CCDC47: variants seen among roughly 807,000 people sequenced by gnomAD.
CCDC47 encodes PAT complex subunit CCDC47.
CCDC47 carries 41 observed loss-of-function variants against 60.5 expected under a neutral mutation model. That is an observed-to-expected ratio of 0.68 (90% CI 0.53 to 0.88). The LOEUF (loss-of-function observed/expected upper bound fraction) is 0.88, where lower values mean the gene tolerates loss of function less well. Among genes scored for constraint, CCDC47 ranks in the 40% least tolerant of loss-of-function variants. The pLI is 0.00. For missense variants in CCDC47, 513 were observed against 580.9 expected (o/e 0.88, Z 1.20); for synonymous variants, 195 against 190.7 (o/e 1.02, Z -0.18).
At chr17:63,753,310 T>C in intron 9 of CCDC47, 2 of 593,532 alleles carry the variant, frequency 3.4e-6, no homozygotes, top group Non-Finnish European at 4.2e-6. Flanking sequence ...TATGAATCCT[T>C]TGACTATCAA....
At position 63,766,085 on chromosome 17, in the gene CCDC47, T is replaced by C. The variant is rs754342339; in HGVS notation, c.91A>G (p.Ile31Val). The part of the protein sequence containing the change: ...KFDDFEDEED[I>V]VEYDDNDFAE... ...AAGTCATTATCATCATACTCTACTATGTCCTCCTCATCCTCAAAATCATCA... is the reference window on the plus strand; with the variant it reads ...AAGTCATTATCATCATACTCTACTACGTCCTCCTCATCCTCAAAATCATCA... Residue 31 changes from isoleucine to valine, a missense_variant, in exon 2 of 13, where the codon ATA becomes GTA. Transcript: ENST00000225726. 8 of 1,614,096 alleles carry C rather than the reference T, an allele frequency of 5.0e-6. No homozygotes were observed. The South Asian group carries it at 7.7e-5, about 16-fold the overall frequency.
intron 4 of CCDC47, among the ~76,000 whole-genome samples, chr17:63,763,457 C>T (rs971422827): frequency 3.3e-5 from 5 of 151,946 alleles, no homozygotes; most frequent in Non-Finnish European, 5.9e-5. Flanking sequence ...CCTGGGAGGT[C>T]GAGGCTGCAG....
At chr17:63,761,458 G>A in intron 4 of CCDC47, 107 bp from the exon 5 acceptor site, 1 of 1,181,048 alleles carries the variant, frequency 8.5e-7, no homozygotes, top group South Asian at 1.3e-5. Flanking sequence ...GAGGTGGGTG[G>A]ATCACGAGGT....
At chr17:63,763,359 C>CA (rs547094964) in intron 4 of CCDC47, among the ~76,000 whole-genome samples, 5 of 151,550 alleles carry the variant, frequency 3.3e-5, no homozygotes, top group African/African-American at 7.3e-5. Flanking sequence ...TCTGTCTCTA[C>CA]AAAAAAAATA....
In CCDC47 at chr17:63,756,495, G is replaced by C; in HGVS notation, c.811C>G (p.Arg271Gly). The change falls in exon 7 of 13, where the codon CGA (arginine) becomes GGA (glycine). Residue 271 changes from arginine (R) to glycine (G), a missense_variant. Arg to Gly is a moderately radical substitution (Grantham distance 125). Transcript: ENST00000225726. ...FAVGTRKALV[R>G]LQKEMQDLSE... is the part of the protein sequence containing the mutation. ...AAATCCTGCATCTCTTTCTGTAGTCGCACCAAGGCTTTCCGTGTGCCAACA... is the reference window on the plus strand; with the variant it reads ...AAATCCTGCATCTCTTTCTGTAGTCCCACCAAGGCTTTCCGTGTGCCAACA... The C allele has an allele frequency of 6.2e-7, 1 of 1,613,578 alleles. No homozygotes were observed. Among genetic ancestry groups the C allele is most frequent in the Non-Finnish European group, 8.5e-7 (1 of 1,179,514 alleles).
At chr17:63,751,288 C>T (rs1003668236) in intron 12 of CCDC47, among the ~76,000 whole-genome samples, 11 of 140,642 alleles carry the variant, frequency 7.8e-5, no homozygotes, top group South Asian at 2.2e-4. Context: ...ATGGCTTGAA[C>T]CCGGGAGGCG....
At chr17:63,769,251 G>GA (rs113701799) in intron 1 of CCDC47, among the ~76,000 whole-genome samples, 46,506 of 136,864 alleles carry the variant, frequency 0.34, 8,434 homozygotes, top group African/African-American at 0.52. Context: ...CTGTCTAAAA[G>GA]AAAAAAAAAA....
rs115710733 is a variant in CCDC47 at position 63,763,395 on chromosome 17, T to C, written c.547+621A>G. 3.9e-3 allele frequency among the ~76,000 whole-genome samples: 590 copies of C among 152,224 alleles called. 3 individuals are homozygous for C. Among genetic ancestry groups the C allele is most frequent in the African/African-American group, 0.013 (548 of 41,550 alleles). On this transcript the variant is annotated intron_variant, in intron 4 of 12. Coordinates refer to ENST00000225726, the MANE Select transcript of CCDC47 (RefSeq NM_020198.3). ...CAAAAATTAGCTGGGTGTGGTAGCATGTGCCTGTAGTCCTGTCTACTCAGA... is the reference window on the plus strand; with the variant it reads ...CAAAAATTAGCTGGGTGTGGTAGCACGTGCCTGTAGTCCTGTCTACTCAGA...
chr17:63,766,587 C>G (rs1303707055), intron 1 of CCDC47, among the ~76,000 whole-genome samples: 1 of 152,098 alleles, frequency 6.6e-6, no homozygotes, highest in Non-Finnish European at 1.5e-5. Context: ...CCACGCCTGG[C>G]TAATTTTTGT....
intron 4 of CCDC47, chr17:63,762,067 C>G: frequency 1.0e-6 from 1 of 982,988 alleles, no homozygotes; most frequent in Non-Finnish European, 1.2e-6. Flanking sequence ...TATGAATTAA[C>G]TTTAACCAAG....
chr17:63,753,018 T>C (rs2039179136), intron 9 of CCDC47: 1 of 712,788 alleles, frequency 1.4e-6, no homozygotes, highest in South Asian at 6.4e-5. Context: ...ATCCTATATT[T>C]GAACACCTCC....
At chr17:63,757,005 C>T (rs940206334) in intron 6 of CCDC47, among the ~76,000 whole-genome samples, 5 of 151,850 alleles carry the variant, frequency 3.3e-5, no homozygotes. Flanking sequence ...AGCCTAGCTA[C>T]CTGGGAGGCT....
chr17:63,765,090 T>C (rs1405171756), intron 2 of CCDC47: 2 of 314,790 alleles, frequency 6.4e-6, no homozygotes, highest in East Asian at 1.7e-4. Context: ...ACTTGAAATC[T>C]GCTAAGAGAA....
rs151258239 is a variant in CCDC47, at chr17:63,750,607, C to T, written c.1371+1333G>A. ...TCCTCTCCCTTTTTTTTTTTTGAGACAGGGTCTCCCTCTGTCACCCAGGCT... is the reference window on the plus strand; with the variant it reads ...TCCTCTCCCTTTTTTTTTTTTGAGATAGGGTCTCCCTCTGTCACCCAGGCT... On this transcript the variant is annotated intron_variant, in intron 12 of 12. Coordinates refer to ENST00000225726, the MANE Select transcript of CCDC47 (RefSeq NM_020198.3). Among the ~76,000 whole-genome samples the T allele has an allele frequency of 2.5e-3, 378 of 150,762 alleles. 2 individuals are homozygous for T. The highest frequency in any genetic ancestry group is 0.01 in the Middle Eastern group (3 of 294).
rs751269647 is a variant in CCDC47 at position 63,754,515 on chromosome 17, C to T, written c.952G>A (p.Val318Ile). ...TCAGCATAGTGTGTAAGAAAGTGAA[C>T]CATCTGAAAAAAAGAAAATAATATT... ...VTDGMMDTKM[V>I]HFLTHYADKI... The change falls in exon 9 of 13, where the codon GTT becomes ATT. Residue 318 changes from valine to isoleucine, a missense_variant. Coordinates refer to ENST00000225726, the MANE Select transcript of CCDC47 (RefSeq NM_020198.3). 2 of 1,592,588 alleles carry T rather than the reference C, an allele frequency of 1.3e-6. No homozygotes were observed. Among genetic ancestry groups the T allele is most frequent in the East Asian group, 4.5e-5 (2 of 44,634 alleles).
Position 63,759,509 on chromosome 17 carries a change from ATATATATATATATATATTTATATATATAT to A in CCDC47, c.735+1376_735+1404del, listed in dbSNP as rs1453173943. On this transcript the variant is annotated intron_variant, in intron 6 of 12. Transcript: ENST00000225726. The stretch of plus-strand genomic sequence containing the variant: ...GTCTCCCAAAAAAAAAAAAAAAAAA[ATATATATATATATATATTTATATATATAT>A]ATATATATATATATATATATATATA... Among the ~76,000 whole-genome samples, 79 of 23,152 alleles carry A rather than the reference ATATATATATATATATATTTATATATATAT, an allele frequency of 3.4e-3. 26 individuals carry two copies. Among genetic ancestry groups the A allele is most frequent in the African/African-American group, 0.019 (76 of 3,988 alleles). 15.2% of individuals were successfully genotyped at this position (23,152 alleles called of 152,430 possible). A position where few individuals can be genotyped will look rare whatever the true frequency, so the allele number is the denominator to read the frequency against.
intron 4 of CCDC47, chr17:63,762,226 G>GA (rs1485497929): frequency 2.0e-6 from 2 of 985,182 alleles, no homozygotes; most frequent in African/African-American, 3.5e-5. Context: ...CCTCACAAGG[G>GA]AAAACGGACT....
intron 4 of CCDC47, among the ~76,000 whole-genome samples, chr17:63,762,459 A>G (rs1015373946): frequency 6.6e-6 from 1 of 152,248 alleles, no homozygotes; most frequent in Non-Finnish European, 1.5e-5. Context: ...TTAGGAAAAC[A>G]GCAACTATAG....
chr17:63,766,333 A>C, intron 1 of CCDC47, 139 bp from the exon 2 acceptor site: 1 of 770,230 alleles, frequency 1.3e-6, no homozygotes, highest in Non-Finnish European at 1.9e-6. Context: ...TATATAAAGA[A>C]CAATGAAGTA....
Sources: gnomAD v4.1 joint callset for allele counts (sites outside exome capture counted in the v4.1 genomes callset) on GRCh38, gnomAD v4.1.1 for gene constraint, MANE v1.5 for transcripts, NCBI Gene and HGNC (gene_info 2026-07-23, HGNC 2026-07-21) for gene names.